Variants in TMEM252 observed in about 807,000 individuals in gnomAD.
The protein encoded by TMEM252 is transmembrane protein 252, also known as transmembrane protein C9orf71.
TMEM252 carries 4 observed loss-of-function variants against 6.4 expected under a neutral mutation model. The observed-to-expected ratio is 0.62, with a 90% CI of 0.31 to 1.43. TMEM252 has a LOEUF of 1.43. Ranked by LOEUF, TMEM252 falls within the 40% of genes most tolerant of loss-of-function variation. The pLI, the probability that TMEM252 is intolerant of heterozygous loss-of-function variation, is 0.07. For missense variants in TMEM252, 207 were observed against 209.4 expected (o/e 0.99, Z 0.07); for synonymous variants, 85 against 82.5 (o/e 1.03, Z -0.17).
rs1453520206 is a variant in TMEM252 at position 68,537,411 on chromosome 9, T to G, written c.361A>C (p.Ile121Leu). The G allele has an allele frequency of 3.1e-6, 5 of 1,606,906 alleles. No homozygotes were observed. The highest frequency in any genetic ancestry group is 1.3e-5 in the African/African-American group (1 of 74,296). ...SCPAEREASG[I>L]PPPLYTETGL... is the part of the protein sequence containing the mutation. The stretch of plus-strand genomic sequence containing the variant: ...GTCTCTGTATATAGAGGTGGAGGAA[T>G]GCCAGAGGCCTCTCTCTCTGCAGGA... Residue 121 changes from isoleucine to leucine, a missense_variant, in exon 2 of 2, where the codon ATT becomes CTT. By Grantham distance (5) the Ile-to-Leu change is conservative. Coordinates refer to ENST00000377311, the MANE Select transcript of TMEM252 (RefSeq NM_153237.2).
At chr9:68,538,739 C>T (rs989538552) in intron 1 of TMEM252, among the ~76,000 whole-genome samples, 2 of 152,160 alleles carry the variant, frequency 1.3e-5, no homozygotes, top group African/African-American at 2.4e-5. Context: ...AGCCATTCTG[C>T]GTGGGATAAG....
At chr9:68,538,698 G>C (rs770264188) in intron 1 of TMEM252, among the ~76,000 whole-genome samples, 1 of 152,140 alleles carries the variant, frequency 6.6e-6, no homozygotes, top group Non-Finnish European at 1.5e-5. Context: ...CAAATGCTTT[G>C]GAGAAATGTG....
chr9:68,539,992 G>T (rs1825184018), intron 1 of TMEM252, among the ~76,000 whole-genome samples: 1 of 152,182 alleles, frequency 6.6e-6, no homozygotes, highest in Non-Finnish European at 1.5e-5. Context: ...TGGCGAGAAA[G>T]AATGAATCTT....
chr9:68,538,705 T>C (rs914987728), intron 1 of TMEM252, among the ~76,000 whole-genome samples: 2 of 152,192 alleles, frequency 1.3e-5, no homozygotes, highest in African/African-American at 4.8e-5. Flanking sequence ...TTTGGAGAAA[T>C]GTGACTTCCC....
chr9:68,538,257 G>A (rs992769997), intron 1 of TMEM252, among the ~76,000 whole-genome samples: 6 of 152,202 alleles, frequency 3.9e-5, no homozygotes, highest in African/African-American at 7.2e-5. Context: ...GGGAGGAAGA[G>A]AGACCGGTGA....
In TMEM252 at chr9:68,540,784, C is replaced by T. The variant is rs1825196606; in HGVS notation, c.31G>A (p.Ala11Thr). MQNRTGLILC[A>T]LALLMGFLMV... ...AGGAAACCCATCAGGAGGGCAAGAG[C>T]ACAGAGAATGAGGCCAGTTCTGTTC... Residue 11 changes from alanine (A) to threonine (T), a missense_variant, in exon 1 of 2, where the codon GCT (alanine) becomes ACT (threonine). Ala to Thr is a moderately conservative substitution (Grantham distance 58, BLOSUM62 0). Transcript: ENST00000377311. 6.2e-7 allele frequency: 1 copy of T among 1,613,972 alleles called. No homozygotes were observed. The highest frequency in any genetic ancestry group is 8.5e-7 in the Non-Finnish European group (1 of 1,180,028).
At chr9:68,540,441 T>TA (rs1283000628) in intron 1 of TMEM252, 96 bp downstream of exon 1, 2 of 1,529,870 alleles carry the variant, frequency 1.3e-6, no homozygotes, top group African/African-American at 2.7e-5. Context: ...CCATGGGACA[T>TA]GTAAGTCGCT....
At position 68,537,091 on chromosome 9, in the gene TMEM252, C is replaced by G. The variant is rs1825148436; in HGVS notation, c.*168G>C. ...TTCCAGGGCCCCTGGCCTGCCCTGC[C>G]CTGGCATGGCCAGTTATGTCTGGAA... On this transcript the variant is annotated 3_prime_UTR_variant, in exon 2 of 2. Coordinates refer to ENST00000377311, the MANE Select transcript of TMEM252 (RefSeq NM_153237.2). 21 of 618,880 alleles carry G rather than the reference C, an allele frequency of 3.4e-5. 1 individual carries two copies. The South Asian group carries it at 4.6e-4, about 13-fold the overall frequency. 38.3% of individuals were successfully genotyped at this position (618,880 alleles called of 1,614,324 possible).
Position 68,540,199 on chromosome 9 carries a change from T to C in TMEM252, c.278+338A>G, listed in dbSNP as rs145459470. Among the ~76,000 whole-genome samples the C allele has an allele frequency of 4.9e-3, 746 of 152,312 alleles. 8 individuals are homozygous for C. The highest frequency in any genetic ancestry group is 0.017 in the African/African-American group (687 of 41,570). On this transcript the variant is annotated intron_variant, in intron 1 of 1. Transcript: ENST00000377311. Reference sequence around the variant, plus strand: ...TCCTTAGAACCTCATAGCCAGGTTATGGGAAGTAACTAACCATCACCTGCC... The same window carrying C: ...TCCTTAGAACCTCATAGCCAGGTTACGGGAAGTAACTAACCATCACCTGCC...
At position 68,540,712 on chromosome 9, in the gene TMEM252, C is replaced by T. The variant is rs1354388046; in HGVS notation, c.103G>A (p.Asp35Asn). The T allele has an allele frequency of 1.9e-6, 3 of 1,614,066 alleles. No individual in the cohort carries two copies. The highest frequency in any genetic ancestry group is 2.2e-5 in the East Asian group (1 of 44,864). Residue 35 changes from aspartate (D) to asparagine (N), a missense_variant, in exon 1 of 2, where the codon GAC becomes AAC. Asp to Asn is a conservative substitution (Grantham distance 23, BLOSUM62 1). Transcript: ENST00000377311. ...AFFISWGSIF[D>N]CQGSLIAAYL... The stretch of plus-strand genomic sequence containing the variant: ...GCCGCAATCAGGCTCCCCTGACAGT[C>T]GAATATGGAGCCCCAGGAAATGAAG...
Position 68,540,550 on chromosome 9 carries a change from C to G in TMEM252, c.265G>C (p.Ala89Pro), listed in dbSNP as rs377692645. 1 of 1,613,956 alleles carries G rather than the reference C, an allele frequency of 6.2e-7. No homozygotes were observed. Among genetic ancestry groups the G allele is most frequent in the African/African-American group, 1.3e-5 (1 of 74,934 alleles). The change falls in exon 1 of 2, where the codon GCC becomes CCC. Residue 89 changes from alanine to proline, a missense_variant. Coordinates refer to ENST00000377311, the MANE Select transcript of TMEM252 (RefSeq NM_153237.2). Reference sequence around the variant, plus strand: ...GTCAGCACGTACCTGTCTACTGTGGCCACGGGCAGGGCCCCATGAGCAAGG... The same window carrying G: ...GTCAGCACGTACCTGTCTACTGTGGGCACGGGCAGGGCCCCATGAGCAAGG... ...QHLAHGALPV[A>P]TVDRPDFYPP...
chr9:68,537,206 G>A lies in TMEM252; in HGVS notation c.*53C>T. On this transcript the variant is annotated 3_prime_UTR_variant, in exon 2 of 2. Transcript: ENST00000377311. The stretch of plus-strand genomic sequence containing the variant: ...AGTCCCTCGTTTGCCTTTATTATCA[G>A]TAGCTGCTCCCCACAGTGGTGGCAT... 1 of 1,510,748 alleles carries A rather than the reference G, an allele frequency of 6.6e-7. No individual in the cohort carries two copies. The allele number at this position is 1,510,748 out of a possible 1,614,324, so 93.6% of individuals were successfully genotyped here. A position where few individuals can be genotyped will look rare whatever the true frequency, so the allele number is the denominator to read the frequency against.
In TMEM252 at chr9:68,540,857, C is replaced by A; in HGVS notation, c.-43G>T. On this transcript the variant is annotated 5_prime_UTR_variant, in exon 1 of 2. Transcript: ENST00000377311. ...CCAGCACCCTGACCCTGCTGCTCCT[C>A]TGCTTCCCTGCTTGCTCCAAGAGAA... is the stretch of plus-strand genomic sequence containing the variant. The A allele has an allele frequency of 1.3e-6, 2 of 1,576,770 alleles. No homozygotes were observed. The highest frequency in any genetic ancestry group is 1.1e-5 in the South Asian group (1 of 89,260).
chr9:68,539,737 T>G (rs1490586039), intron 1 of TMEM252, among the ~76,000 whole-genome samples: 3 of 152,240 alleles, frequency 2.0e-5, no homozygotes, highest in Admixed American at 2.0e-4. Context: ...CAAGCATTGG[T>G]GTACAAACAT....
At chr9:68,539,678 C>G (rs1825180130) in intron 1 of TMEM252, among the ~76,000 whole-genome samples, 1 of 152,218 alleles carries the variant, frequency 6.6e-6, no homozygotes, top group Non-Finnish European at 1.5e-5. Context: ...TTTTGTTTAT[C>G]TACTCACCTG....
At chr9:68,537,934 C>G (rs1191884096) in intron 1 of TMEM252, among the ~76,000 whole-genome samples, 1 of 152,236 alleles carries the variant, frequency 6.6e-6, no homozygotes, top group Non-Finnish European at 1.5e-5. Flanking sequence ...CTGATCATCA[C>G]AGCCAACAAA....
rs781655840 is a variant in TMEM252, at chr9:68,540,532, C to T, written c.278+5G>A. 1.9e-5 allele frequency: 31 copies of T among 1,613,290 alleles called. No individual in the cohort carries two copies. The highest frequency in any genetic ancestry group is 1.1e-4 in the South Asian group (10 of 91,076). Reference sequence around the variant, plus strand: ...TTCTTGGTCCCTCTGCCTGTCAGCACGTACCTGTCTACTGTGGCCACGGGC... The same window carrying T: ...TTCTTGGTCCCTCTGCCTGTCAGCATGTACCTGTCTACTGTGGCCACGGGC... On this transcript the variant is annotated splice_donor_5th_base_variant and intron_variant, in intron 1 of 1. Coordinates refer to ENST00000377311, the MANE Select transcript of TMEM252 (RefSeq NM_153237.2).
intron 1 of TMEM252, among the ~76,000 whole-genome samples, chr9:68,538,449 G>A (rs556937442): frequency 4.1e-4 from 63 of 152,304 alleles, no homozygotes; most frequent in African/African-American, 1.4e-3. Context: ...CTCAGCCTTC[G>A]CTCAGAATAG....
intron 1 of TMEM252, among the ~76,000 whole-genome samples, chr9:68,539,464 C>A (rs575100742): frequency 1.3e-5 from 2 of 152,304 alleles, no homozygotes; most frequent in African/African-American, 4.8e-5. Context: ...CTCCTTCCAC[C>A]AGCCCCTGGG....
Sources: gnomAD v4.1 joint callset for allele counts (sites outside exome capture counted in the v4.1 genomes callset) on GRCh38, gnomAD v4.1.1 for gene constraint, MANE v1.5 for transcripts, NCBI Gene and HGNC (gene_info 2026-07-23, HGNC 2026-07-21) for gene names.